Variants in DLC1 observed in about 807,000 individuals in gnomAD.
DLC1 encodes the protein DLC1 Rho GTPase activating protein.
DLC1 carries 54 observed loss-of-function variants against 140.3 expected under a neutral mutation model. That is an observed-to-expected ratio of 0.38 (90% CI 0.31 to 0.48). The LOEUF is 0.48. Among genes scored for constraint, DLC1 ranks in the 20% least tolerant of loss-of-function variants. The pLI is 0.96. For missense variants in DLC1, 2,536 were observed against 1,907.0 expected, an observed-to-expected ratio of 1.33 and a Z score of -6.14; for synonymous variants, 986 against 728.1, an observed-to-expected ratio of 1.35 and a Z score of -5.70.
intron 1 of DLC1, among the ~76,000 whole-genome samples, chr8:13,602,417 G>A (rs913815603): frequency 6.6e-6 from 1 of 151,742 alleles, no homozygotes; most frequent in Non-Finnish European, 1.5e-5. Flanking sequence ...TTTTTAAACT[G>A]TGATCATTGC....
chr8:13,099,331 G>T lies in DLC1; in HGVS notation c.2990+16C>A. 1 of 1,605,836 alleles carries T rather than the reference G, an allele frequency of 6.2e-7. No individual in the cohort carries two copies. Among genetic ancestry groups the T allele is most frequent in the Non-Finnish European group, 8.5e-7 (1 of 1,176,010 alleles). ...CCCCAGTGCCCCACACCCGGAGGCA[G>T]GAGAAAAGTTCTTACCTGTTGGACC... On this transcript the variant is annotated intron_variant, in intron 9 of 17. Transcript: ENST00000276297.
At chr8:13,276,458 C>T in intron 5 of DLC1, 1 of 1,371,874 alleles carries the variant, frequency 7.3e-7, no homozygotes, top group South Asian at 1.7e-5. Flanking sequence ...CGGTACTCCG[C>T]CCCGCGCTGT....
At chr8:13,400,978 T>G (rs1271725649) in intron 3 of DLC1, among the ~76,000 whole-genome samples, 4 of 152,208 alleles carry the variant, frequency 2.6e-5, no homozygotes, top group Non-Finnish European at 5.9e-5. Flanking sequence ...TAAGTGAATT[T>G]TAGAGTTTTC....
intron 1 of DLC1, among the ~76,000 whole-genome samples, chr8:13,501,942 C>G (rs529267340): frequency 6.6e-6 from 1 of 152,158 alleles, no homozygotes; most frequent in African/African-American, 2.4e-5. Flanking sequence ...AGATACTTTT[C>G]TCTCTTTATT....
intron 5 of DLC1, chr8:13,214,872 G>A: frequency 1.4e-6 from 1 of 709,024 alleles, no homozygotes; most frequent in Non-Finnish European, 2.6e-6. Context: ...CTCATGACAG[G>A]GCTTTTGTAA....
chr8:13,485,723 G>A (rs1354507309), intron 2 of DLC1, among the ~76,000 whole-genome samples: 1 of 152,198 alleles, frequency 6.6e-6, no homozygotes, highest in East Asian at 1.9e-4. Context: ...TCTAACAGAA[G>A]ATACATTCTC....
intron 1 of DLC1, among the ~76,000 whole-genome samples, chr8:13,590,553 T>A (rs1233666965): frequency 6.6e-6 from 1 of 152,094 alleles, no homozygotes; most frequent in African/African-American, 2.4e-5. Flanking sequence ...CCTCATAATA[T>A]GCTTGGCCAA....
intron 5 of DLC1, among the ~76,000 whole-genome samples, chr8:13,221,193 G>A (rs921598522): frequency 1.3e-5 from 2 of 152,022 alleles, no homozygotes; most frequent in Non-Finnish European, 2.9e-5. Context: ...TGTCACCACC[G>A]CATTCTTTCC....
rs551227771 is a variant in DLC1 at position 13,112,073 on chromosome 8, C to T, written c.1421-1250G>A. 7.2e-5 allele frequency among the ~76,000 whole-genome samples: 11 copies of T among 152,210 alleles called. No individual in the cohort carries two copies. In the South Asian group the frequency reaches 2.3e-3, roughly 32 times the overall value. On this transcript the variant is annotated intron_variant, in intron 6 of 17. Transcript: ENST00000276297. ...ATGCTGAGGTGGAAGATCACCTGAGCCCCAGAGTTTGAGGCTGCAGTGAAC... is the reference window on the plus strand; with the variant it reads ...ATGCTGAGGTGGAAGATCACCTGAGTCCCAGAGTTTGAGGCTGCAGTGAAC...
intron 5 of DLC1, among the ~76,000 whole-genome samples, chr8:13,248,949 C>A (rs567476016): frequency 1.5e-4 from 23 of 152,180 alleles, no homozygotes; most frequent in African/African-American, 5.3e-4. Context: ...AACTCCCAAA[C>A]CTCAGAGGGG....
chr8:13,494,363 T>C (rs189174874), intron 2 of DLC1, among the ~76,000 whole-genome samples: 11 of 152,332 alleles, frequency 7.2e-5, no homozygotes, highest in Non-Finnish European at 1.5e-5. Context: ...TATTGCTAGA[T>C]ATGCCCATGC....
intron 5 of DLC1, among the ~76,000 whole-genome samples, chr8:13,212,373 A>C (rs973503861): frequency 6.6e-6 from 1 of 152,150 alleles, no homozygotes; most frequent in African/African-American, 2.4e-5. Flanking sequence ...TGGAACAATC[A>C]GGAATTACTC....
intron 4 of DLC1, among the ~76,000 whole-genome samples, chr8:13,327,520 A>G (rs1833416398): frequency 6.9e-6 from 1 of 145,442 alleles, no homozygotes; most frequent in Non-Finnish European, 1.5e-5. Context: ...GTTTCTCATT[A>G]TGTTGCCCTG....
chr8:13,443,034 A>T (rs1471489774), intron 2 of DLC1, among the ~76,000 whole-genome samples: 2 of 152,132 alleles, frequency 1.3e-5, no homozygotes, highest in African/African-American at 4.8e-5. Flanking sequence ...ATAAAAAAGG[A>T]TGAGTTCATG....
At chr8:13,245,602 C>T (rs554502162) in intron 5 of DLC1, among the ~76,000 whole-genome samples, 131 of 152,290 alleles carry the variant, frequency 8.6e-4, no homozygotes, top group Non-Finnish European at 1.6e-3. Flanking sequence ...AGGGACTTTT[C>T]TTTAGGGAAA....
At chr8:13,209,983 G>C (rs1227393012) in intron 5 of DLC1, among the ~76,000 whole-genome samples, 1 of 152,094 alleles carries the variant, frequency 6.6e-6, no homozygotes, top group Non-Finnish European at 1.5e-5. Flanking sequence ...GCAAGTCTAG[G>C]CAATAAGCTA....
chr8:13,333,131 T>A (rs761225025), intron 4 of DLC1, among the ~76,000 whole-genome samples: 13 of 152,232 alleles, frequency 8.5e-5, no homozygotes, highest in Non-Finnish European at 1.3e-4. Context: ...TTCTTTGTCC[T>A]TATTGCATGC....
At chr8:13,115,037 C>T (rs545436345) in intron 6 of DLC1, among the ~76,000 whole-genome samples, 2 of 152,262 alleles carry the variant, frequency 1.3e-5, no homozygotes, top group South Asian at 2.1e-4. Context: ...ATGTTCACAA[C>T]AGCACAGCTT....
chr8:13,247,721 T>C (rs1207809502), intron 5 of DLC1, among the ~76,000 whole-genome samples: 2 of 152,206 alleles, frequency 1.3e-5, no homozygotes, highest in Admixed American at 6.5e-5. Flanking sequence ...TGAAGATATG[T>C]GGAAAATATG....
Sources: allele counts gnomAD v4.1 joint callset (sites outside exome capture counted in the v4.1 genomes callset), GRCh38; gene constraint gnomAD v4.1.1; transcripts MANE v1.5; gene names NCBI Gene and HGNC (gene_info 2026-07-23, HGNC 2026-07-21).